Variants in EXOC4 observed in about 807,000 individuals in gnomAD.
The protein encoded by EXOC4 is SEC8-like 1.
In EXOC4, 71 loss-of-function variants were observed where a neutral mutation model predicts 107.2. That is an observed-to-expected ratio of 0.66 (90% CI 0.55 to 0.81). The LOEUF is 0.81. Among genes scored for constraint, EXOC4 ranks in the 30% least tolerant of loss-of-function variants. EXOC4 has a pLI of 0.00. For synonymous variants in EXOC4, 456 were observed against 441.2 expected (o/e 1.03, Z -0.42); for missense variants, 1,108 against 1,189.6 (o/e 0.93, Z 1.01).
chr7:133,519,635 A>G (rs1338295377), intron 9 of EXOC4, among the ~76,000 whole-genome samples: 2 of 152,226 alleles, frequency 1.3e-5, no homozygotes, highest in Non-Finnish European at 2.9e-5. Flanking sequence ...GAATCAATCC[A>G]TAGCCTTTTT....
intron 10 of EXOC4, among the ~76,000 whole-genome samples, chr7:133,713,454 G>A (rs962243944): frequency 1.3e-5 from 2 of 152,088 alleles, no homozygotes; most frequent in Admixed American, 1.3e-4. Context: ...TAGGCATTAT[G>A]TTAGTCTTGG....
chr7:133,737,766 A>G (rs1373390737), intron 10 of EXOC4, among the ~76,000 whole-genome samples: 2 of 152,114 alleles, frequency 1.3e-5, no homozygotes, highest in Non-Finnish European at 2.9e-5. Flanking sequence ...GCCAGAGGCT[A>G]TCTTCACAGC....
intron 17 of EXOC4, among the ~76,000 whole-genome samples, chr7:134,024,624 CTA>C (rs1795098170): frequency 6.6e-6 from 1 of 152,150 alleles, no homozygotes. Context: ...CCTCTAAAAT[CTA>C]TGTTTAAGGA....
intron 12 of EXOC4, among the ~76,000 whole-genome samples, chr7:133,906,071 A>G (rs2116578322): frequency 6.6e-6 from 1 of 152,304 alleles, no homozygotes; most frequent in Middle Eastern, 3.4e-3. Context: ...AATTTCTTGT[A>G]TTAGGTAAAA....
chr7:133,747,217 A>G (rs1795694969), intron 10 of EXOC4, among the ~76,000 whole-genome samples: 1 of 152,188 alleles, frequency 6.6e-6, no homozygotes, highest in South Asian at 2.1e-4. Context: ...AGTTGGTAGT[A>G]TCTTCAGTTT....
rs1346877404 is a variant in EXOC4, at chr7:133,254,049, A to C, written c.86+862A>C. ...TCAACTCGTTTATTTTTCATAAACA[A>C]ACACTCTATTTTTCCCCACCTATAC... is the stretch of plus-strand genomic sequence containing the variant. On this transcript the variant is annotated intron_variant, in intron 1 of 17. Coordinates refer to ENST00000253861, the MANE Select transcript of EXOC4 (RefSeq NM_021807.4). 2.6e-4 allele frequency: 36 copies of C among 141,040 alleles called. 1 individual carries two copies. The highest frequency in any genetic ancestry group is 2.4e-3 in the Admixed American group (36 of 14,992). 8.7% of individuals were successfully genotyped at this position (141,040 alleles called of 1,614,324 possible).
At chr7:133,550,920 T>C (rs1035875368) in intron 9 of EXOC4, among the ~76,000 whole-genome samples, 2 of 152,018 alleles carry the variant, frequency 1.3e-5, no homozygotes, top group Non-Finnish European at 2.9e-5. Flanking sequence ...TGGGCCCAAT[T>C]CAGTCAGCAA....
intron 5 of EXOC4, among the ~76,000 whole-genome samples, chr7:133,324,002 G>A (rs1795176382): frequency 6.6e-6 from 1 of 152,134 alleles, no homozygotes; most frequent in Non-Finnish European, 1.5e-5. Flanking sequence ...TTTGCATAGA[G>A]GTGTTTATAG....
intron 5 of EXOC4, among the ~76,000 whole-genome samples, chr7:133,338,779 G>A (rs1431488050): frequency 9.1e-6 from 1 of 109,792 alleles, no homozygotes; most frequent in African/African-American, 3.5e-5. Flanking sequence ...TTCAGACAGA[G>A]TTTTGCTCTC....
At position 134,033,575 on chromosome 7, in the gene EXOC4, T is replaced by C. The variant is rs116655429; in HGVS notation, c.2687+25740T>C. 5.8e-3 allele frequency among the ~76,000 whole-genome samples: 882 copies of C among 152,216 alleles called. 7 individuals are homozygous for C. Among genetic ancestry groups the C allele is most frequent in the African/African-American group, 0.02 (823 of 41,528 alleles). The stretch of plus-strand genomic sequence containing the variant: ...CTATACTTAGAGGCCCAAGATCCAA[T>C]TGGAGTCCGAGGAAAAGAGAACAGA... On this transcript the variant is annotated intron_variant, in intron 17 of 17. Transcript: ENST00000253861.
At position 133,514,932 on chromosome 7, in the gene EXOC4, A is replaced by G. The variant is rs150666969; in HGVS notation, c.1417+34794A>G. ...TTTAATCTGATGCATTAGACTAAGGATAGTCTGAACTTTTTTGTTGCTACC... is the reference window on the plus strand; with the variant it reads ...TTTAATCTGATGCATTAGACTAAGGGTAGTCTGAACTTTTTTGTTGCTACC... On this transcript the variant is annotated intron_variant, in intron 9 of 17. Transcript: ENST00000253861. Among the ~76,000 whole-genome samples, 737 of 152,286 alleles carry G rather than the reference A, an allele frequency of 4.8e-3. 5 individuals are homozygous for G. The highest frequency in any genetic ancestry group is 0.017 in the Middle Eastern group (5 of 294).
At chr7:133,626,045 A>C (rs1447499604) in intron 9 of EXOC4, among the ~76,000 whole-genome samples, 1 of 152,100 alleles carries the variant, frequency 6.6e-6, no homozygotes, top group East Asian at 1.9e-4. Flanking sequence ...TGTCTCTACT[A>C]AAAATACAAA....
At chr7:133,353,082 A>G (rs952172184) in intron 5 of EXOC4, among the ~76,000 whole-genome samples, 35 of 152,164 alleles carry the variant, frequency 2.3e-4, no homozygotes, top group Admixed American at 2.2e-3. Flanking sequence ...CAAAGTTAAC[A>G]GTAATACTAG....
intron 7 of EXOC4, among the ~76,000 whole-genome samples, chr7:133,453,758 A>G (rs1297759691): frequency 6.6e-6 from 1 of 152,098 alleles, no homozygotes; most frequent in African/African-American, 2.4e-5. Flanking sequence ...TTCTGTTTTA[A>G]TAAACAGATT....
chr7:133,524,633 G>A (rs1194598779), intron 9 of EXOC4, among the ~76,000 whole-genome samples: 2 of 151,282 alleles, frequency 1.3e-5, no homozygotes, highest in East Asian at 2.0e-4. Flanking sequence ...TGTAAGGAAG[G>A]GATCCAGTTT....
Position 133,573,382 on chromosome 7 carries a change from A to C in EXOC4, c.1418-56663A>C, listed in dbSNP as rs558963753. The stretch of plus-strand genomic sequence containing the variant: ...ATGATGCTACTTAGAAGAATAGAGG[A>C]AGAACCAGTTTCAGCGCCAGATAGT... On this transcript the variant is annotated intron_variant, in intron 9 of 17. Coordinates refer to ENST00000253861, the MANE Select transcript of EXOC4 (RefSeq NM_021807.4). 5.9e-5 allele frequency among the ~76,000 whole-genome samples: 9 copies of C among 152,268 alleles called. 1 individual carries two copies. The South Asian group carries it at 1.9e-3, about 32-fold the overall frequency.
the EXOC4 span, among the ~76,000 whole-genome samples, chr7:134,091,046 C>G: frequency 1.3e-5 from 2 of 151,986 alleles, no homozygotes; most frequent in Non-Finnish European, 2.9e-5. Context: ...TAGGGGGTCT[C>G]TTCAGTATCA....
chr7:133,941,078 G>A (rs7796567), intron 14 of EXOC4, among the ~76,000 whole-genome samples: 130,724 of 151,274 alleles, frequency 0.86, 56,601 homozygotes, highest in East Asian at 0.91. Context: ...GCTCACTGCA[G>A]CCTCTGCTTC....
At chr7:133,364,886 G>A (rs908789067) in intron 6 of EXOC4, among the ~76,000 whole-genome samples, 1 of 152,150 alleles carries the variant, frequency 6.6e-6, no homozygotes, top group South Asian at 2.1e-4. Flanking sequence ...TGTTCGTGGT[G>A]CAATTAAGAT....
Sources: gnomAD v4.1 joint callset for allele counts (sites outside exome capture counted in the v4.1 genomes callset) on GRCh38, gnomAD v4.1.1 for gene constraint, MANE v1.5 for transcripts, NCBI Gene and HGNC (gene_info 2026-07-23, HGNC 2026-07-21) for gene names.